Variants in TLK1 observed in about 807,000 individuals in gnomAD.
TLK1 encodes serine/threonine-protein kinase tousled-like 1.
Under a neutral mutation model 105.3 loss-of-function variants are expected in TLK1, and 24 were observed. That is an observed-to-expected ratio of 0.23 (90% CI 0.17 to 0.32). The LOEUF is 0.32. Among genes scored for constraint, TLK1 ranks in the 10% least tolerant of loss-of-function variants. The probability of loss-of-function intolerance (pLI) is 1.00; values close to 1 mark genes in which losing one functional copy is unlikely to be tolerated. For synonymous variants in TLK1, 321 were observed against 310.4 expected (o/e 1.03, Z -0.36); for missense variants, 558 against 910.5 (o/e 0.61, Z 4.98).
upstream of TLK1, among the ~76,000 whole-genome samples, chr2:171,165,591 T>C (rs1692591716): frequency 1.3e-5 from 2 of 152,190 alleles, no homozygotes; most frequent in African/African-American, 4.8e-5. Context: ...CTGAGCCACC[T>C]AAGCCCCTTT....
At chr2:171,120,228 G>A (rs1245007072) in intron 1 of TLK1, among the ~76,000 whole-genome samples, 4 of 128,098 alleles carry the variant, frequency 3.1e-5, no homozygotes, top group African/African-American at 5.9e-5. Flanking sequence ...CAGCCTGGGC[G>A]ACAGAGTGAG....
intron 1 of TLK1, among the ~76,000 whole-genome samples, chr2:171,184,642 CAA>C (rs140562844): frequency 1.9e-4 from 10 of 52,258 alleles, no homozygotes; most frequent in Non-Finnish European, 2.0e-4. Flanking sequence ...AACTCCGTCT[CAA>C]AAAAAAAAAA....
chr2:171,079,633 T>G (rs933382502), intron 3 of TLK1, among the ~76,000 whole-genome samples: 7 of 152,184 alleles, frequency 4.6e-5, no homozygotes, highest in Non-Finnish European at 1.0e-4. Context: ...CTTCTTTTAT[T>G]TACGAGAGGA....
chr2:171,029,066 G>A (rs774805148), intron 11 of TLK1, among the ~76,000 whole-genome samples: 10 of 152,048 alleles, frequency 6.6e-5, no homozygotes, highest in Non-Finnish European at 1.0e-4. Flanking sequence ...ATAAATAGAA[G>A]AGAAAAAAAT....
At chr2:171,202,053 T>A (rs1693413392) in intron 1 of TLK1, among the ~76,000 whole-genome samples, 1 of 152,192 alleles carries the variant, frequency 6.6e-6, no homozygotes, top group African/African-American at 2.4e-5. Context: ...TTTGTTAATG[T>A]TTATTGAGTT....
chr2:171,066,959 G>T (rs1688026766), intron 3 of TLK1: 5 of 1,541,950 alleles, frequency 3.2e-6, no homozygotes, highest in Non-Finnish European at 4.4e-6. Flanking sequence ...TTGGCATTTT[G>T]AAAGTGCTTG....
chr2:171,037,807 T>C (rs1253646615), intron 11 of TLK1, among the ~76,000 whole-genome samples: 3 of 152,216 alleles, frequency 2.0e-5, no homozygotes, highest in Non-Finnish European at 4.4e-5. Context: ...GAGATTTGCC[T>C]GTAACTGTCA....
chr2:170,993,929 G>C lies in TLK1; in HGVS notation c.2152C>G (p.Arg718Gly). Residue 718 changes from arginine to glycine, a missense_variant, in exon 21 of 21, where the codon CGA (arginine) becomes GGA (glycine). Physicochemically the swap from Arg to Gly is moderately radical, Grantham distance 125. Around this residue, in one of 5 missense-constraint regions of TLK1, gnomAD observed 218 missense variants for 492.9 expected, o/e 0.44. Transcript: ENST00000431350. ...KAFIRRCLAYRKEDRFDVHQL... is the reference protein window; with the variant it reads ...KAFIRRCLAYGKEDRFDVHQL... ...TGCACATCAAATCGATCTTCTTTTC[G>C]ATATGCCAAACAGCGTCTTATAAAT... 6.2e-7 allele frequency: 1 copy of C among 1,609,794 alleles called. No individual in the cohort carries two copies. Among genetic ancestry groups the C allele is most frequent in the Non-Finnish European group, 8.5e-7 (1 of 1,178,474 alleles).
intron 1 of TLK1, among the ~76,000 whole-genome samples, chr2:171,166,544 A>G (rs1692613269): frequency 6.6e-6 from 1 of 152,274 alleles, no homozygotes; most frequent in Admixed American, 6.5e-5. Context: ...AATATTGTGT[A>G]GGCCATATTT....
chr2:171,081,633 C>T lies in TLK1; in HGVS notation c.330+1148G>A, dbSNP rs959291320. 56 of 1,303,026 alleles carry T rather than the reference C, an allele frequency of 4.3e-5. 1 individual carries two copies. The highest frequency in any genetic ancestry group is 5.5e-5 in the East Asian group (1 of 18,040). The allele number at this position is 1,303,026 out of a possible 1,614,324, so 80.7% of individuals were successfully genotyped here. A position where few individuals can be genotyped will look rare whatever the true frequency, so the allele number is the denominator to read the frequency against. Reference sequence around the variant, plus strand: ...AATCTGATGCTACAGGGGCTACTAACGCTTACCTCAAGGGAACCTACTGCA... The same window carrying T: ...AATCTGATGCTACAGGGGCTACTAATGCTTACCTCAAGGGAACCTACTGCA... On this transcript the variant is annotated intron_variant, in intron 3 of 20. Transcript: ENST00000431350.
At chr2:171,164,383 A>T (rs1692569094), upstream of TLK1, among the ~76,000 whole-genome samples, 1 of 152,186 alleles carries the variant, frequency 6.6e-6, no homozygotes, top group Non-Finnish European at 1.5e-5. Flanking sequence ...TTTATTCCTA[A>T]GTATGCATCA....
intron 10 of TLK1, among the ~76,000 whole-genome samples, chr2:171,049,000 CT>C (rs1401142177): frequency 2.0e-5 from 3 of 152,212 alleles, no homozygotes; most frequent in African/African-American, 7.2e-5. Flanking sequence ...TATAATTCCT[CT>C]GTTTAAAAGT....
upstream of TLK1, among the ~76,000 whole-genome samples, chr2:171,161,570 C>T (rs1397558412): frequency 1.3e-5 from 2 of 152,112 alleles, no homozygotes; most frequent in African/African-American, 4.8e-5. Context: ...TTGAAAATTA[C>T]CAGTTTTGTA....
In TLK1 at chr2:171,074,387, G is replaced by A. The variant is rs1240691665; in HGVS notation, c.330+8394C>T. ...TCATGCCTGTAATCCCAGCACTTTC[G>A]GAGGCCGATGCAGGCAGATCATTTG... On this transcript the variant is annotated intron_variant, in intron 3 of 20. Transcript: ENST00000431350. Among the ~76,000 whole-genome samples, 6 of 151,980 alleles carry A rather than the reference G, an allele frequency of 3.9e-5. 1 individual carries two copies. The highest frequency in any genetic ancestry group is 4.1e-4 in the South Asian group (2 of 4,830).
At chr2:171,093,596 A>G (rs747932443) in intron 2 of TLK1, among the ~76,000 whole-genome samples, 2 of 152,166 alleles carry the variant, frequency 1.3e-5, no homozygotes, top group Non-Finnish European at 2.9e-5. Flanking sequence ...CTACAGTGGT[A>G]AGGTAGGAAT....
chr2:171,177,608 T>C (rs1692854088), intron 1 of TLK1, among the ~76,000 whole-genome samples: 1 of 152,162 alleles, frequency 6.6e-6, no homozygotes, highest in South Asian at 2.1e-4. Flanking sequence ...AAAGATATAC[T>C]TTACCATTTT....
intron 11 of TLK1, among the ~76,000 whole-genome samples, chr2:171,036,087 T>C (rs1218309610): frequency 6.6e-6 from 1 of 152,184 alleles, no homozygotes; most frequent in African/African-American, 2.4e-5. Flanking sequence ...CTTTAATAAA[T>C]ACCTAAAAAC....
intron 1 of TLK1, among the ~76,000 whole-genome samples, chr2:171,179,874 A>C (rs1692896209): frequency 6.6e-6 from 1 of 152,132 alleles, no homozygotes; most frequent in Non-Finnish European, 1.5e-5. Flanking sequence ...CTGGTGGATC[A>C]CTTGAGGTCA....
intron 14 of TLK1, among the ~76,000 whole-genome samples, chr2:171,009,291 C>CA: frequency 2.7e-5 from 2 of 74,842 alleles, no homozygotes; most frequent in African/African-American, 1.2e-4. Flanking sequence ...ATTTCTTTTC[C>CA]TTTTTTTTTT....
Sources: gnomAD v4.1 joint callset for allele counts (sites outside exome capture counted in the v4.1 genomes callset) on GRCh38, gnomAD v4.1.1 for gene constraint, gnomAD v4.1.1 regional missense constraint, MANE v1.5 for transcripts, NCBI Gene and HGNC (gene_info 2026-07-23, HGNC 2026-07-21) for gene names.